SYNJ2: variants seen among roughly 807,000 people sequenced by gnomAD.
SYNJ2 encodes the protein polyphosphatidylinositol phosphatase SYNJ2.
Under a neutral mutation model 141.3 loss-of-function variants are expected in SYNJ2, and 116 were observed. That is an observed-to-expected ratio of 0.82 (90% CI 0.71 to 0.96). The LOEUF (loss-of-function observed/expected upper bound fraction) is 0.96, where lower values mean the gene tolerates loss of function less well. Ranked by LOEUF, SYNJ2 falls within the 40% of genes least tolerant of loss-of-function variation. The probability of loss-of-function intolerance (pLI) is 0.00; values close to 1 mark genes in which losing one functional copy is unlikely to be tolerated. For missense variants in SYNJ2, 1,873 were observed against 1,934.8 expected (o/e 0.97, Z 0.60); for synonymous variants, 745 against 777.7 (o/e 0.96, Z 0.70).
chr6:158,004,799 C>T (rs114481966), intron 1 of SYNJ2, among the ~76,000 whole-genome samples: 2,355 of 152,250 alleles, frequency 0.015, 58 homozygotes, highest in African/African-American at 0.054. Flanking sequence ...CCTCACTGCC[C>T]CTCGTTTCGG....
chr6:158,081,758 A>G (rs1782706382), intron 20 of SYNJ2, among the ~76,000 whole-genome samples: 1 of 151,104 alleles, frequency 6.6e-6, no homozygotes, highest in Non-Finnish European at 1.5e-5. Context: ...AGTAGCTGGG[A>G]CCGCAGGCAC....
At position 158,081,125 on chromosome 6, in the gene SYNJ2, G is replaced by A. The variant is rs780065695; in HGVS notation, c.2584G>A (p.Val862Met). ...ASDHRPVLAI[V>M]EVEVQEVDVG... ...CTAACGCAGACCTGTGCTGGCGATC[G>A]TGGAGGTGGAAGTTCAGGAAGTCGA... The change falls in exon 19 of 27, where the codon GTG (valine) becomes ATG (methionine). Residue 862 changes from valine to methionine, a missense_variant. Val to Met is a conservative substitution (Grantham distance 21). Transcript: ENST00000355585. 20 of 1,613,876 alleles carry A rather than the reference G, an allele frequency of 1.2e-5. No individual in the cohort carries two copies. Among genetic ancestry groups the A allele is most frequent in the African/African-American group, 9.3e-5 (7 of 74,904 alleles).
intron 1 of SYNJ2, among the ~76,000 whole-genome samples, chr6:157,993,696 T>A (rs538180851): frequency 6.8e-6 from 1 of 148,124 alleles, no homozygotes; most frequent in South Asian, 2.1e-4. Context: ...AACATAACTT[T>A]CATTCTTGCA....
chr6:158,037,696 C>T (rs761946609), intron 4 of SYNJ2, among the ~76,000 whole-genome samples: 16 of 152,046 alleles, frequency 1.1e-4, no homozygotes, highest in Non-Finnish European at 7.4e-5. Flanking sequence ...CCACTGAGCC[C>T]GGCCCAGTTG....
At chr6:158,044,135 G>C (rs540630097) in intron 5 of SYNJ2, among the ~76,000 whole-genome samples, 14 of 152,228 alleles carry the variant, frequency 9.2e-5, no homozygotes, top group Admixed American at 2.0e-4. Context: ...CTCTCGGCCA[G>C]GGCCTTTGTC....
intron 5 of SYNJ2, among the ~76,000 whole-genome samples, chr6:158,046,976 G>T (rs529359279): frequency 1.3e-5 from 2 of 152,074 alleles, no homozygotes; most frequent in Non-Finnish European, 2.9e-5. Context: ...TGAACCAAAC[G>T]GAGGAGGATG....
chr6:158,045,398 C>T (rs1780184712), intron 5 of SYNJ2, among the ~76,000 whole-genome samples: 2 of 152,076 alleles, frequency 1.3e-5, no homozygotes, highest in African/African-American at 4.8e-5. Flanking sequence ...GCGTGAGCCA[C>T]CGCACCTAGC....
At chr6:158,088,100 C>A (rs1783198457) in intron 23 of SYNJ2, among the ~76,000 whole-genome samples, 1 of 109,488 alleles carries the variant, frequency 9.1e-6, no homozygotes. Flanking sequence ...ATTCTGTCCC[C>A]CGGGCTGGAG....
chr6:158,044,779 A>AT (rs1780146787), intron 5 of SYNJ2, among the ~76,000 whole-genome samples: 1 of 152,122 alleles, frequency 6.6e-6, no homozygotes. Flanking sequence ...AGTCTCCCTC[A>AT]TGCCAACTCG....
intron 3 of SYNJ2, among the ~76,000 whole-genome samples, chr6:158,032,685 G>A (rs1343022365): frequency 1.3e-5 from 2 of 152,192 alleles, no homozygotes; most frequent in Admixed American, 6.5e-5. Flanking sequence ...TGCTTTATCT[G>A]TGAAAGGGGG....
At chr6:158,016,260 T>C (rs1778450884) in intron 1 of SYNJ2, among the ~76,000 whole-genome samples, 1 of 152,094 alleles carries the variant, frequency 6.6e-6, no homozygotes, top group South Asian at 2.1e-4. Context: ...ATTACAGGCG[T>C]GTGCCACCAC....
At chr6:158,061,848 C>A in intron 7 of SYNJ2, 144 bp from the exon 8 acceptor site, 1 of 819,710 alleles carries the variant, frequency 1.2e-6, no homozygotes, top group Non-Finnish European at 2.0e-6. Context: ...GGTCAACTGC[C>A]TGGTCCACTG....
At chr6:158,083,215 G>A (rs1361085620) in intron 20 of SYNJ2, among the ~76,000 whole-genome samples, 9 of 152,236 alleles carry the variant, frequency 5.9e-5, no homozygotes, top group Non-Finnish European at 1.3e-4. Context: ...TTACAGGTGT[G>A]AGCCACCGCA....
intron 13 of SYNJ2, among the ~76,000 whole-genome samples, chr6:158,069,136 T>C (rs1415735226): frequency 6.6e-6 from 1 of 152,130 alleles, no homozygotes; most frequent in African/African-American, 2.4e-5. Context: ...AGGTACTTTC[T>C]TCCTGCACAC....
chr6:158,061,774 G>A (rs149654828), intron 7 of SYNJ2, among the ~76,000 whole-genome samples: 239 of 152,268 alleles, frequency 1.6e-3, no homozygotes, highest in Non-Finnish European at 1.9e-3. Context: ...CTGCCCTTTC[G>A]CAGGCAAGAC....
intron 5 of SYNJ2, among the ~76,000 whole-genome samples, chr6:158,047,801 A>C (rs1350220646): frequency 6.7e-6 from 1 of 149,838 alleles, no homozygotes; most frequent in Non-Finnish European, 1.5e-5. Flanking sequence ...AAAAAAAAAA[A>C]AAAACACACA....
intron 1 of SYNJ2, among the ~76,000 whole-genome samples, chr6:158,004,158 C>T (rs914511988): frequency 2.6e-5 from 4 of 152,094 alleles, no homozygotes; most frequent in African/African-American, 9.7e-5. Context: ...TTGTCAGAGG[C>T]GTATGAACCA....
rs1781954827 is a variant in SYNJ2 at position 158,071,934 on chromosome 6, A to C, written c.2133+140A>C. 9.7e-7 allele frequency: 1 copy of C among 1,027,976 alleles called. No homozygotes were observed. Among genetic ancestry groups the C allele is most frequent in the African/African-American group, 1.6e-5 (1 of 61,676 alleles). The allele number at this position is 1,027,976 out of a possible 1,614,324, so 63.7% of individuals were successfully genotyped here. On this transcript the variant is annotated intron_variant, in intron 15 of 26. Transcript: ENST00000355585. The surrounding 1 kb of genome is among the most constrained non-coding windows in gnomAD (Gnocchi z 4.3). ...GGGCTCAGCGCTGGGGGAGGGGGAG[A>C]GGGCTATGTCCCTCCATGGAATTGA...
intron 2 of SYNJ2, chr6:158,017,945 C>T: frequency 2.7e-6 from 1 of 374,334 alleles, no homozygotes; most frequent in Non-Finnish European, 5.4e-6. Flanking sequence ...CTGCCCAGGG[C>T]ATTGTCCGCA....
Sources: gnomAD v4.1 joint callset for allele counts (sites outside exome capture counted in the v4.1 genomes callset) on GRCh38, gnomAD v4.1.1 for gene constraint, Gnocchi (gnomAD v3.1) non-coding constraint, MANE v1.5 for transcripts, NCBI Gene and HGNC (gene_info 2026-07-23, HGNC 2026-07-21) for gene names.